The following ANXA8 variants were observed in gnomAD, a reference collection of about 807,000 sequenced individuals.
The protein encoded by ANXA8 is VAC-beta.
In ANXA8, 9 loss-of-function variants were observed where a neutral mutation model predicts 26.8. The ratio of observed to expected loss-of-function variants is 0.34; its 90% CI spans 0.20 to 0.59. ANXA8 has a LOEUF of 0.59. Among genes scored for constraint, ANXA8 ranks in the 20% least tolerant of loss-of-function variants. The pLI is 0.84. For synonymous variants in ANXA8, 39 were observed against 94.8 expected (o/e 0.41, Z 3.42); for missense variants, 83 against 238.5 (o/e 0.35, Z 4.29).
At chr10:47,591,887 T>C in the ANXA8 span, among the ~76,000 whole-genome samples, 1 of 84,616 alleles carries the variant, frequency 1.2e-5, no homozygotes, top group South Asian at 4.4e-4. Flanking sequence ...AAAGGAAAAA[T>C]AGGCACCAAA....
the ANXA8 span, among the ~76,000 whole-genome samples, chr10:47,578,322 A>T: frequency 2.2e-5 from 1 of 45,316 alleles, no homozygotes; most frequent in African/African-American, 1.0e-4. Context: ...GCTAAAAAAA[A>T]AAGCTGAAGT....
chr10:47,661,029 CACTTCCTAGCCT>C, the ANXA8 span, among the ~76,000 whole-genome samples: 2 of 149,900 alleles, frequency 1.3e-5, no homozygotes, highest in African/African-American at 2.5e-5. Flanking sequence ...TTTTAAAATT[CACTTCCTAGCCT>C]GTCCATCCTT....
the ANXA8 span, among the ~76,000 whole-genome samples, chr10:47,950,556 T>C: frequency 1.3e-5 from 2 of 150,352 alleles, no homozygotes. Flanking sequence ...AACACAAAAC[T>C]TTCATTATAA....
At chr10:47,756,639 C>T in the ANXA8 span, among the ~76,000 whole-genome samples, 1 of 152,282 alleles carries the variant, frequency 6.6e-6, no homozygotes, top group African/African-American at 2.4e-5. Context: ...TCCTGCCTGG[C>T]TTACGGTGAC....
chr10:47,646,421 C>G, the ANXA8 span, among the ~76,000 whole-genome samples: 2 of 144,164 alleles, frequency 1.4e-5, no homozygotes, highest in African/African-American at 5.5e-5. Context: ...ATTGAAAAAA[C>G]CCAAATAATA....
the ANXA8 span, among the ~76,000 whole-genome samples, chr10:47,536,958 G>C: frequency 1.2e-4 from 9 of 77,106 alleles, no homozygotes; most frequent in Non-Finnish European, 1.5e-4. Flanking sequence ...TGGCTTTCCT[G>C]TCCCTTCTCA....
chr10:47,485,000 G>A (rs1459888908), upstream of ANXA8, among the ~76,000 whole-genome samples: 29 of 147,198 alleles, frequency 2.0e-4, no homozygotes, highest in South Asian at 4.8e-3. Flanking sequence ...AAACCTGGCC[G>A]CCGCCATCCC....
chr10:47,524,116 CTTCCTGAGATT>C, the ANXA8 span, among the ~76,000 whole-genome samples: 1 of 152,172 alleles, frequency 6.6e-6, no homozygotes, highest in Non-Finnish European at 1.5e-5. Flanking sequence ...TCATCACCAG[CTTCCTGAGATT>C]TTAGTCCTAA....
At chr10:47,694,417 C>CT in the ANXA8 span, among the ~76,000 whole-genome samples, 811 of 107,946 alleles carry the variant, frequency 7.5e-3, 5 homozygotes, top group South Asian at 0.013. Flanking sequence ...AGAAATCTTC[C>CT]TTTTTTTTTT....
At chr10:47,714,624 A>T in the ANXA8 span, among the ~76,000 whole-genome samples, 1 of 47,060 alleles carries the variant, frequency 2.1e-5, no homozygotes, top group African/African-American at 9.2e-5. Flanking sequence ...CCCGCCTGTA[A>T]TCCCAGCACT....
chr10:47,626,635 AAC>A, the ANXA8 span, among the ~76,000 whole-genome samples: 3 of 150,228 alleles, frequency 2.0e-5, no homozygotes, highest in East Asian at 1.9e-4. Flanking sequence ...ACATAATTAA[AAC>A]ACACCATTTA....
chr10:47,579,887 C>T, the ANXA8 span, among the ~76,000 whole-genome samples: 3 of 143,970 alleles, frequency 2.1e-5, no homozygotes, highest in Admixed American at 6.9e-5. Flanking sequence ...CACATATGAA[C>T]CAAAAAAAAA....
At chr10:47,644,985 T>C in the ANXA8 span, among the ~76,000 whole-genome samples, 1 of 151,928 alleles carries the variant, frequency 6.6e-6, no homozygotes, top group Non-Finnish European at 1.5e-5. Context: ...GTAAGGTACA[T>C]GTCAAATACA....
At chr10:47,907,333 G>C in the ANXA8 span, among the ~76,000 whole-genome samples, 1 of 152,042 alleles carries the variant, frequency 6.6e-6, no homozygotes, top group African/African-American at 2.4e-5. Flanking sequence ...CTTCAGCCTG[G>C]GCGACAGAGC....
At chr10:47,554,161 C>T in the ANXA8 span, among the ~76,000 whole-genome samples, 1 of 58,844 alleles carries the variant, frequency 1.7e-5, no homozygotes, top group Non-Finnish European at 2.9e-5. Flanking sequence ...ATAAAGCCAG[C>T]GTCGTGGCAG....
chr10:47,740,821 G>A, the ANXA8 span, among the ~76,000 whole-genome samples: 1 of 134,728 alleles, frequency 7.4e-6, no homozygotes, highest in Non-Finnish European at 1.6e-5. Context: ...TTTAAAACAA[G>A]TCTTGTTGTG....
At chr10:47,988,832 G>A in the ANXA8 span, among the ~76,000 whole-genome samples, 3 of 151,716 alleles carry the variant, frequency 2.0e-5, no homozygotes, top group African/African-American at 7.3e-5. Context: ...CCATACTCTT[G>A]TTTGTTGTTA....
At chr10:47,699,840 A>G in the ANXA8 span, among the ~76,000 whole-genome samples, 2 of 151,294 alleles carry the variant, frequency 1.3e-5, no homozygotes, top group African/African-American at 4.8e-5. Context: ...TCAAAAAAAA[A>G]TAATAATAAT....
the ANXA8 span, among the ~76,000 whole-genome samples, chr10:47,736,586 C>T: frequency 1.3e-5 from 2 of 149,782 alleles, no homozygotes; most frequent in Non-Finnish European, 3.0e-5. Flanking sequence ...AAGTGAAAGA[C>T]TAGTTGTTAG....
Sources: gnomAD v4.1 joint callset for allele counts (sites outside exome capture counted in the v4.1 genomes callset) on GRCh38, gnomAD v4.1.1 for gene constraint, MANE v1.5 for transcripts, NCBI Gene and HGNC (gene_info 2026-07-23, HGNC 2026-07-21) for gene names.